Variants in SCAPER observed in about 807,000 individuals in gnomAD.
The protein encoded by SCAPER is S phase cyclin A-associated protein in the endoplasmic reticulum.
In SCAPER, 98 loss-of-function variants were observed where a neutral mutation model predicts 182.2. The ratio of observed to expected loss-of-function variants is 0.54; its 90% CI spans 0.46 to 0.64. SCAPER has a LOEUF of 0.64. Among genes scored for constraint, SCAPER ranks in the 30% least tolerant of loss-of-function variants. The probability of loss-of-function intolerance (pLI) is 0.00; values close to 1 mark genes in which losing one functional copy is unlikely to be tolerated. For synonymous variants in SCAPER, 605 were observed against 564.6 expected, an observed-to-expected ratio of 1.07 and a Z score of -1.01; for missense variants, 1,432 against 1,690.0, an observed-to-expected ratio of 0.85 and a Z score of 2.68.
At chr15:76,529,597 GAGA>G (rs1354057753) in intron 23 of SCAPER, among the ~76,000 whole-genome samples, 2 of 152,212 alleles carry the variant, frequency 1.3e-5, no homozygotes, top group Non-Finnish European at 2.9e-5. Flanking sequence ...AAGGCCTTCT[GAGA>G]AGTTGACATT....
intron 25 of SCAPER, among the ~76,000 whole-genome samples, chr15:76,463,072 T>C (rs939766876): frequency 6.6e-6 from 1 of 152,172 alleles, no homozygotes; most frequent in Admixed American, 6.5e-5. Flanking sequence ...TTTGAAATTC[T>C]GTGTCAATAA....
At chr15:76,538,235 T>C (rs930564729) in intron 23 of SCAPER, among the ~76,000 whole-genome samples, 1 of 148,496 alleles carries the variant, frequency 6.7e-6, no homozygotes, top group Admixed American at 6.8e-5. Flanking sequence ...CAAAGGACTA[T>C]AAATCATGCT....
chr15:76,611,153 G>T (rs146378941), intron 22 of SCAPER, among the ~76,000 whole-genome samples: 7 of 152,144 alleles, frequency 4.6e-5, no homozygotes, highest in Admixed American at 1.3e-4. Context: ...CCAAGAACAT[G>T]CAATGGAGAA....
At chr15:76,482,014 T>C (rs2051184468) in intron 24 of SCAPER, among the ~76,000 whole-genome samples, 1 of 152,250 alleles carries the variant, frequency 6.6e-6, no homozygotes, top group Non-Finnish European at 1.5e-5. Flanking sequence ...TGACCTCTTT[T>C]GGCAAGACTA....
At chr15:76,383,087 TGTGTGTGTGTGTGTAAA>T (rs2043063552) in intron 27 of SCAPER, among the ~76,000 whole-genome samples, 1 of 3,466 alleles carries the variant, frequency 2.9e-4, no homozygotes, top group Non-Finnish European at 3.9e-3. Flanking sequence ...TGTGTATAGG[TGTGTGTGTGTGTGTAAA>T]TACACACACA....
At chr15:76,714,498 T>C (rs1027729963) in intron 17 of SCAPER, among the ~76,000 whole-genome samples, 5 of 151,576 alleles carry the variant, frequency 3.3e-5, no homozygotes, top group African/African-American at 1.2e-4. Context: ...TAGACTACAG[T>C]GTAAAAAATG....
Position 76,837,079 on chromosome 15 carries a change from GAAACAATTAACAAAGT to G in SCAPER, c.393+4639_393+4654del, listed in dbSNP as rs561372250. ...ACTAAACATCTTCTGTACAGCAAAA[GAAACAATTAACAAAGT>G]AAACAGACAACCCACAAGATGGGAG... On this transcript the variant is annotated intron_variant, in intron 5 of 31. Transcript: ENST00000563290. Among the ~76,000 whole-genome samples, 29 of 152,182 alleles carry G rather than the reference GAAACAATTAACAAAGT, an allele frequency of 1.9e-4. No homozygotes were observed. In the East Asian group the frequency reaches 5.4e-3, roughly 28 times the overall value.
At chr15:76,684,204 T>C (rs565951519) in intron 20 of SCAPER, among the ~76,000 whole-genome samples, 64 of 151,874 alleles carry the variant, frequency 4.2e-4, no homozygotes, top group African/African-American at 1.5e-3. Flanking sequence ...CAGGATCAAA[T>C]CTACACATAC....
At chr15:76,813,249 A>AAAAC (rs1555617104) in intron 5 of SCAPER, among the ~76,000 whole-genome samples, 4,872 of 59,900 alleles carry the variant, frequency 0.081, 504 homozygotes, top group Non-Finnish European at 0.15. Context: ...AAAAAAAAAA[A>AAAAC]AAAAAACAAC....
In SCAPER at chr15:76,492,046, A is replaced by G. The variant is rs73444261; in HGVS notation, c.2954+12813T>C. Among the ~76,000 whole-genome samples, 655 of 152,236 alleles carry G rather than the reference A, an allele frequency of 4.3e-3. 6 individuals are homozygous for G. Among genetic ancestry groups the G allele is most frequent in the African/African-American group, 0.015 (624 of 41,536 alleles). On this transcript the variant is annotated intron_variant, in intron 24 of 31. Transcript: ENST00000563290. ...TCATGTGCTTACTTGGCATCTTTGT[A>G]TCTTATTTGGTGAAGTGTCTATTCA... is the stretch of plus-strand genomic sequence containing the variant.
intron 22 of SCAPER, among the ~76,000 whole-genome samples, chr15:76,588,870 G>C (rs1260825476): frequency 6.6e-6 from 1 of 152,078 alleles, no homozygotes; most frequent in Non-Finnish European, 1.5e-5. Flanking sequence ...ATTTGGGTAG[G>C]CTATGTCAGA....
chr15:76,397,541 C>T (rs998864107), intron 27 of SCAPER, among the ~76,000 whole-genome samples: 8 of 123,648 alleles, frequency 6.5e-5, no homozygotes, highest in Non-Finnish European at 1.3e-4. Context: ...AGTGCAGTGG[C>T]GTGATCTTGG....
chr15:76,862,957 AAAGT>A (rs1599163729), intron 2 of SCAPER, among the ~76,000 whole-genome samples: 1 of 152,234 alleles, frequency 6.6e-6, no homozygotes, highest in African/African-American at 2.4e-5. Flanking sequence ...AGATTGCGCT[AAAGT>A]AAGTCAACAT....
chr15:76,901,346 G>A (rs2074767935), intron 1 of SCAPER, among the ~76,000 whole-genome samples: 1 of 152,156 alleles, frequency 6.6e-6, no homozygotes, highest in Non-Finnish European at 1.5e-5. Flanking sequence ...TGTCAACCAA[G>A]TTATTTATTT....
At chr15:76,372,568 A>T (rs1371703002) in intron 29 of SCAPER, among the ~76,000 whole-genome samples, 1 of 152,222 alleles carries the variant, frequency 6.6e-6, no homozygotes, top group African/African-American at 2.4e-5. Context: ...TGAGTTCAGT[A>T]AGTTTATCAT....
chr15:76,733,165 CG>C (rs1190835313), intron 16 of SCAPER, 63 bp downstream of exon 16: 1 of 1,458,402 alleles, frequency 6.9e-7, no homozygotes, highest in Non-Finnish European at 9.2e-7. Flanking sequence ...ACCGACCCTG[CG>C]GGGCTGGACC....
chr15:76,753,436 C>T (rs1448843993), intron 15 of SCAPER, among the ~76,000 whole-genome samples: 1 of 151,720 alleles, frequency 6.6e-6, no homozygotes, highest in African/African-American at 2.4e-5. Flanking sequence ...TGATAGAAAG[C>T]AGATCAGTAA....
chr15:76,693,252 T>A (rs1258838327), intron 20 of SCAPER, among the ~76,000 whole-genome samples: 2 of 151,956 alleles, frequency 1.3e-5, no homozygotes, highest in African/African-American at 2.4e-5. Flanking sequence ...TCATAGAAAA[T>A]TTAAATACAC....
intron 15 of SCAPER, among the ~76,000 whole-genome samples, chr15:76,749,798 C>T (rs1325953859): frequency 6.6e-6 from 1 of 151,954 alleles, no homozygotes; most frequent in Non-Finnish European, 1.5e-5. Flanking sequence ...CAATTCTCCT[C>T]CAAATTAATC....
Sources: allele counts gnomAD v4.1 joint callset (sites outside exome capture counted in the v4.1 genomes callset), GRCh38; gene constraint gnomAD v4.1.1; transcripts MANE v1.5; gene names NCBI Gene and HGNC (gene_info 2026-07-23, HGNC 2026-07-21).